TERB1: variants seen among roughly 807,000 people sequenced by gnomAD.
The protein encoded by TERB1 is telomere repeats-binding bouquet formation protein 1.
In TERB1, 63 loss-of-function variants were observed where a neutral mutation model predicts 92.3. The ratio of observed to expected loss-of-function variants is 0.68; its 90% CI spans 0.56 to 0.84. TERB1 has a LOEUF of 0.84. Ranked by LOEUF, TERB1 falls within the 40% of genes least tolerant of loss-of-function variation. The probability of loss-of-function intolerance (pLI) is 0.00; values close to 1 mark genes in which losing one functional copy is unlikely to be tolerated. For synonymous variants in TERB1, 252 were observed against 283.9 expected (o/e 0.89, Z 1.13); for missense variants, 709 against 843.7 (o/e 0.84, Z 1.98).
chr16:66,776,592 T>C (rs968052775), intron 11 of TERB1, among the ~76,000 whole-genome samples: 2 of 142,840 alleles, frequency 1.4e-5, no homozygotes, highest in African/African-American at 5.2e-5. Flanking sequence ...GGGAGGAGAG[T>C]GGAAAAGTGA....
At position 66,767,294 on chromosome 16, in the gene TERB1, G is replaced by A. The variant is rs908139518; in HGVS notation, c.1780+121C>T. 62 of 575,812 alleles carry A rather than the reference G, an allele frequency of 1.1e-4. No individual in the cohort carries two copies. The South Asian group carries it at 1.3e-3, about 12-fold the overall frequency. 35.7% of individuals were successfully genotyped at this position (575,812 alleles called of 1,614,324 possible). On this transcript the variant is annotated intron_variant, in intron 16 of 18. Coordinates refer to ENST00000433154, the MANE Select transcript of TERB1 (RefSeq NM_001136505.2). ...GTGGAGAGTGCAGTGAGCCAAGATC[G>A]CGCCACTGCACTCCAGCCTGGGTGA...
chr16:66,790,258 A>T (rs1250457217), intron 5 of TERB1, among the ~76,000 whole-genome samples: 1 of 146,080 alleles, frequency 6.8e-6, no homozygotes, highest in Non-Finnish European at 1.5e-5. Context: ...AAGGGAAGGG[A>T]AGGAAAAAGG....
chr16:66,790,618 A>T lies in TERB1; in HGVS notation c.248T>A (p.Leu83Ter). The T allele has an allele frequency of 6.5e-7, 1 of 1,547,590 alleles. No individual in the cohort carries two copies. The highest frequency in any genetic ancestry group is 8.7e-7 in the Non-Finnish European group (1 of 1,144,036). Residue 83 changes from leucine to a stop codon, truncating the protein, a stop_gained, in exon 5 of 19, where the codon TTA (leucine) becomes TAA (stop). Transcript: ENST00000433154. LOFTEE classifies it high-confidence loss of function. ...SMVKEAALYT[L>*]GAIAEKNVYC... Reference sequence around the variant, plus strand: ...ACCATTTTTCTCTGCAATAGCTCCTAATGTATATAAGGCTGCTTCTTTTAC... The same window carrying T: ...ACCATTTTTCTCTGCAATAGCTCCTTATGTATATAAGGCTGCTTCTTTTAC...
At chr16:66,799,447 C>T (rs1250267703) in intron 2 of TERB1, among the ~76,000 whole-genome samples, 1 of 152,064 alleles carries the variant, frequency 6.6e-6, no homozygotes, top group African/African-American at 2.4e-5. Flanking sequence ...ACGCTGGTCT[C>T]GAACTCCTGA....
upstream of TERB1, among the ~76,000 whole-genome samples, chr16:66,801,865 T>C (rs1311637447): frequency 6.6e-6 from 1 of 152,202 alleles, no homozygotes; most frequent in Non-Finnish European, 1.5e-5. Context: ...TATGGGACGG[T>C]GGCCGCGAAG....
At chr16:66,787,133 C>T (rs1212900541) in intron 6 of TERB1, among the ~76,000 whole-genome samples, 2 of 152,098 alleles carry the variant, frequency 1.3e-5, no homozygotes, top group East Asian at 3.9e-4. Flanking sequence ...GAGTCTCGCT[C>T]TGTCACTCAG....
chr16:66,785,021 C>CTTT (rs76944260), intron 9 of TERB1, among the ~76,000 whole-genome samples: 2 of 118,242 alleles, frequency 1.7e-5, no homozygotes, highest in Non-Finnish European at 3.6e-5. Flanking sequence ...CTGCGTCTGG[C>CTTT]TTTTTTTTTT....
Position 66,781,990 on chromosome 16 carries a change from C to G in TERB1, c.701-2975G>C, listed in dbSNP as rs183836739. ...TGTCCTTAGAAACCTTTGCCTACCCCCAAGGTGTGAGAATCTTCTGCTTTT... is the reference window on the plus strand; with the variant it reads ...TGTCCTTAGAAACCTTTGCCTACCCGCAAGGTGTGAGAATCTTCTGCTTTT... On this transcript the variant is annotated intron_variant, in intron 9 of 18. Coordinates refer to ENST00000433154, the MANE Select transcript of TERB1 (RefSeq NM_001136505.2). 5.9e-5 allele frequency among the ~76,000 whole-genome samples: 9 copies of G among 152,202 alleles called. No homozygotes were observed. In the East Asian group the frequency reaches 1.7e-3, roughly 29 times the overall value.
rs1264542930 is a variant in TERB1 at position 66,786,128 on chromosome 16, T to C, written c.463A>G (p.Thr155Ala). Reference protein sequence around the residue: ...CITVLSRLFRTVISKHELDLS... With the variant: ...CITVLSRLFRAVISKHELDLS... ...TCCAACTCATGTTTTGAAATAACTG[T>C]CCTATTAGGTTAAAAAGAAAAGAAA... Residue 155 changes from threonine (T) to alanine (A), a missense_variant and splice_region_variant, in exon 8 of 19, where the codon ACA (threonine) becomes GCA (alanine). By Grantham distance (58) the Thr-to-Ala change is moderately conservative. Transcript: ENST00000433154. 3 of 1,546,196 alleles carry C rather than the reference T, an allele frequency of 1.9e-6. No individual in the cohort carries two copies. The highest frequency in any genetic ancestry group is 3.9e-5 in the Admixed American group (2 of 50,722).
intron 13 of TERB1, 53 bp from the exon 14 acceptor site, chr16:66,770,362 C>A (rs2018426806): frequency 2.7e-6 from 3 of 1,101,672 alleles, no homozygotes; most frequent in Non-Finnish European, 3.8e-6. Context: ...CCTTTATAAT[C>A]CAATTTATAC....
chr16:66,801,647 C>A (rs1555510416), upstream of TERB1: 1 of 152,232 alleles, frequency 6.6e-6, no homozygotes, highest in Non-Finnish European at 1.5e-5. Flanking sequence ...GGCCGGCAGC[C>A]CCGCCGCCCC....
At chr16:66,770,809 A>T (rs1281181011) in intron 13 of TERB1, among the ~76,000 whole-genome samples, 1 of 152,174 alleles carries the variant, frequency 6.6e-6, no homozygotes, top group African/African-American at 2.4e-5. Flanking sequence ...AAACACCCAG[A>T]AATAATATGT....
At chr16:66,796,638 A>G in intron 3 of TERB1, 130 bp downstream of exon 3, 1 of 627,232 alleles carries the variant, frequency 1.6e-6, no homozygotes. Context: ...TGTGACAGGC[A>G]CAGAGTAGTG....
chr16:66,768,909 GC>G (rs2018395775), intron 14 of TERB1, among the ~76,000 whole-genome samples: 1 of 152,016 alleles, frequency 6.6e-6, no homozygotes, highest in Non-Finnish European at 1.5e-5. Context: ...TTCAAGGCCA[GC>G]CTGACCAACA....
chr16:66,791,826 G>T (rs142475613), intron 3 of TERB1, among the ~76,000 whole-genome samples: 2 of 152,218 alleles, frequency 1.3e-5, no homozygotes, highest in East Asian at 3.9e-4. Context: ...GAAAACTCTA[G>T]GTTCAGATGG....
At chr16:66,786,645 C>T (rs73582949) in intron 6 of TERB1, among the ~76,000 whole-genome samples, 1,575 of 152,134 alleles carry the variant, frequency 0.01, 27 homozygotes, top group African/African-American at 0.037. Flanking sequence ...TTTAAGTGCA[C>T]GCCTGGCAAG....
chr16:66,771,804 T>G (rs936988651), intron 13 of TERB1, among the ~76,000 whole-genome samples: 5 of 152,166 alleles, frequency 3.3e-5, no homozygotes, highest in Non-Finnish European at 5.9e-5. Context: ...TGAATACTAC[T>G]CAGACAATTA....
chr16:66,781,241 G>C (rs977366429), intron 9 of TERB1, among the ~76,000 whole-genome samples: 1 of 152,096 alleles, frequency 6.6e-6, no homozygotes, highest in Non-Finnish European at 1.5e-5. Context: ...TTTTCTTGTA[G>C]AGACAAGGTC....
At chr16:66,782,510 A>G (rs1325046162) in intron 9 of TERB1, among the ~76,000 whole-genome samples, 1 of 150,934 alleles carries the variant, frequency 6.6e-6, no homozygotes. Flanking sequence ...AGACTGTACC[A>G]TGCACGCCAG....
Sources: allele counts gnomAD v4.1 joint callset (sites outside exome capture counted in the v4.1 genomes callset), GRCh38; gene constraint gnomAD v4.1.1; transcripts MANE v1.5; gene names NCBI Gene and HGNC (gene_info 2026-07-23, HGNC 2026-07-21).